The following NOL4 variants were observed in gnomAD, a reference collection of about 807,000 sequenced individuals.
The protein encoded by NOL4 is cancer/testis antigen 125.
A neutral mutation model predicts 75.9 loss-of-function variants in NOL4; 17 were observed. The ratio of observed to expected loss-of-function variants is 0.22; its 90% CI spans 0.15 to 0.34. The LOEUF (loss-of-function observed/expected upper bound fraction) is 0.34, where lower values mean the gene tolerates loss of function less well. Among genes scored for constraint, NOL4 ranks in the 10% least tolerant of loss-of-function variants. NOL4 has a pLI of 1.00. For synonymous variants in NOL4, 292 were observed against 289.9 expected, an observed-to-expected ratio of 1.01 and a Z score of -0.07; for missense variants, 614 against 793.5, an observed-to-expected ratio of 0.77 and a Z score of 2.72.
intron 10 of NOL4, among the ~76,000 whole-genome samples, chr18:33,870,927 G>A (rs762667671): frequency 1.2e-4 from 18 of 151,966 alleles, no homozygotes; most frequent in Non-Finnish European, 2.1e-4. Context: ...CAGAATGTTC[G>A]TCAATCACAC....
intron 1 of NOL4, among the ~76,000 whole-genome samples, chr18:34,211,480 A>G (rs1212120777): frequency 1.3e-5 from 2 of 152,246 alleles, no homozygotes; most frequent in East Asian, 3.9e-4. Context: ...GCTAGGCCTT[A>G]GATCCCCATA....
chr18:34,029,818 G>A (rs956958713), intron 5 of NOL4, among the ~76,000 whole-genome samples: 1 of 152,138 alleles, frequency 6.6e-6, no homozygotes, highest in Non-Finnish European at 1.5e-5. Context: ...GCCAAGAGGT[G>A]AGATTTTAAA....
rs1404681076 is a variant in NOL4, at chr18:34,019,513, T to G, written c.861A>C (p.Gly287=). 6.2e-7 allele frequency: 1 copy of G among 1,613,938 alleles called. No homozygotes were observed. Among genetic ancestry groups the G allele is most frequent in the Non-Finnish European group, 8.5e-7 (1 of 1,180,000 alleles). ...CAGTTTTGCCATCACTGTTGGAGTC[T>G]CCCATCTCCCTGCTGTGTGTTCCCC... ...ASGGTHSREM[G]DSNSDGKTGL... The change falls in exon 6 of 11, where the codon GGA becomes GGC. Residue 287 remains glycine, a synonymous_variant. Coordinates refer to ENST00000261592, the MANE Select transcript of NOL4 (RefSeq NM_003787.5).
At chr18:34,119,234 A>C (rs537042439) in intron 2 of NOL4, among the ~76,000 whole-genome samples, 85 of 152,334 alleles carry the variant, frequency 5.6e-4, no homozygotes, top group Non-Finnish European at 1.1e-3. Context: ...CTACTTATCT[A>C]TCTATAGATA....
chr18:34,198,588 G>A lies in NOL4; in HGVS notation c.264+24402C>T, dbSNP rs192612091. Among the ~76,000 whole-genome samples, 453 of 151,786 alleles carry A rather than the reference G, an allele frequency of 3.0e-3. 4 individuals carry two copies. Among genetic ancestry groups the A allele is most frequent in the Admixed American group, 0.021 (325 of 15,206 alleles). On this transcript the variant is annotated intron_variant, in intron 1 of 10. Coordinates refer to ENST00000261592, the MANE Select transcript of NOL4 (RefSeq NM_003787.5). ...GAAATGTATTGATGCCTGTTTTATA[G>A]CATAATGCATATGCAACTTTAAAAA... is the stretch of plus-strand genomic sequence containing the variant.
At chr18:34,160,840 T>C (rs1303475501) in intron 1 of NOL4, among the ~76,000 whole-genome samples, 1 of 152,182 alleles carries the variant, frequency 6.6e-6, no homozygotes, top group African/African-American at 2.4e-5. Flanking sequence ...AGATCCTCTC[T>C]TCTAGCTATT....
At chr18:34,025,876 A>G (rs1244862714) in intron 5 of NOL4, among the ~76,000 whole-genome samples, 7 of 152,100 alleles carry the variant, frequency 4.6e-5, no homozygotes, top group Non-Finnish European at 8.8e-5. Context: ...GAATGATTAG[A>G]ATGTATACTC....
intron 10 of NOL4, among the ~76,000 whole-genome samples, chr18:33,866,161 T>G (rs2063418401): frequency 6.6e-6 from 1 of 152,184 alleles, no homozygotes; most frequent in South Asian, 2.1e-4. Context: ...ATTCCTGGAC[T>G]GATTTGAGGG....
chr18:33,927,409 C>T (rs2067406796), intron 9 of NOL4, among the ~76,000 whole-genome samples: 1 of 152,150 alleles, frequency 6.6e-6, no homozygotes, highest in Non-Finnish European at 1.5e-5. Context: ...CTTTGGAAAA[C>T]TCCTAAAGCA....
chr18:34,204,064 T>G (rs1004413075), intron 1 of NOL4, among the ~76,000 whole-genome samples: 30 of 151,988 alleles, frequency 2.0e-4, no homozygotes, highest in Admixed American at 6.6e-5. Context: ...CCCTGTAGAG[T>G]GCTGACTCAT....
At chr18:33,977,875 A>G (rs1374064114) in intron 6 of NOL4, among the ~76,000 whole-genome samples, 1 of 152,168 alleles carries the variant, frequency 6.6e-6, no homozygotes, top group African/African-American at 2.4e-5. Flanking sequence ...CCTGACTGGA[A>G]AAAGACTTCA....
intron 10 of NOL4, among the ~76,000 whole-genome samples, chr18:33,875,175 T>C (rs1261903293): frequency 2.6e-5 from 4 of 152,008 alleles, no homozygotes; most frequent in Admixed American, 6.6e-5. Context: ...ATCCAATGAA[T>C]AACTGCAGTG....
chr18:33,862,726 A>G (rs1237418597), intron 10 of NOL4, among the ~76,000 whole-genome samples: 1 of 152,230 alleles, frequency 6.6e-6, no homozygotes, highest in Admixed American at 6.5e-5. Context: ...ATGAGATATC[A>G]TCTCACACCA....
chr18:34,048,233 G>T (rs1025863805), intron 5 of NOL4, among the ~76,000 whole-genome samples: 22 of 152,046 alleles, frequency 1.4e-4, no homozygotes, highest in African/African-American at 5.1e-4. Context: ...ATGCTCCTGA[G>T]ATTTTAGATG....
intron 6 of NOL4, among the ~76,000 whole-genome samples, chr18:34,000,590 A>G (rs2073626366): frequency 6.6e-6 from 1 of 152,142 alleles, no homozygotes; most frequent in Non-Finnish European, 1.5e-5. Flanking sequence ...GACTAGGAAG[A>G]GATTTGCAAC....
chr18:34,080,690 C>T (rs1302388648), intron 5 of NOL4, among the ~76,000 whole-genome samples: 1 of 152,120 alleles, frequency 6.6e-6, no homozygotes, highest in African/African-American at 2.4e-5. Context: ...AGGCTGGCCA[C>T]AAACATCATC....
intron 1 of NOL4, chr18:34,222,593 C>A: frequency 2.2e-6 from 1 of 457,206 alleles, no homozygotes; most frequent in Non-Finnish European, 2.9e-6. Context: ...TGCGGCCGGG[C>A]TTCCAGCCTG....
chr18:33,875,104 T>C (rs75484714), intron 10 of NOL4, among the ~76,000 whole-genome samples: 1 of 151,946 alleles, frequency 6.6e-6, no homozygotes, highest in African/African-American at 2.4e-5. Flanking sequence ...CCCACGGAGT[T>C]TGTAGAGCAG....
intron 5 of NOL4, 113 bp from the exon 6 acceptor site, chr18:34,019,714 G>A: frequency 1.1e-6 from 1 of 873,572 alleles, no homozygotes; most frequent in Non-Finnish European, 1.7e-6. Context: ...CATACAATAT[G>A]TAATTCATCC....
Sources: allele counts gnomAD v4.1 joint callset (sites outside exome capture counted in the v4.1 genomes callset), GRCh38; gene constraint gnomAD v4.1.1; transcripts MANE v1.5; gene names NCBI Gene and HGNC (gene_info 2026-07-23, HGNC 2026-07-21).